The following INPP4B variants were observed in gnomAD, a reference collection of about 807,000 sequenced individuals.
INPP4B encodes the protein inositol polyphosphate 4-phosphatase type II.
Under a neutral mutation model 122.5 loss-of-function variants are expected in INPP4B, and 55 were observed. That is an observed-to-expected ratio of 0.45 (90% CI 0.36 to 0.56). The LOEUF (loss-of-function observed/expected upper bound fraction) is 0.56. Among genes scored for constraint, INPP4B ranks in the 20% least tolerant of loss-of-function variants. INPP4B has a pLI of 0.00. For missense variants in INPP4B, 1,000 were observed against 1,097.7 expected (o/e 0.91, Z 1.26); for synonymous variants, 403 against 388.7 (o/e 1.04, Z -0.43).
intron 22 of INPP4B, among the ~76,000 whole-genome samples, chr4:142,111,901 G>C (rs758600895): frequency 6.6e-6 from 1 of 151,436 alleles, no homozygotes; most frequent in African/African-American, 2.4e-5. Context: ...TCACCACCAC[G>C]CCTGGCTAAT....
At chr4:142,463,933 T>C (rs558662041) in intron 2 of INPP4B, among the ~76,000 whole-genome samples, 14 of 152,258 alleles carry the variant, frequency 9.2e-5, no homozygotes, top group Admixed American at 3.3e-4. Context: ...TTATTAGCAG[T>C]ATGATAACAG....
chr4:142,604,986 A>T (rs1356234927), intron 2 of INPP4B, among the ~76,000 whole-genome samples: 1 of 152,170 alleles, frequency 6.6e-6, no homozygotes, highest in Non-Finnish European at 1.5e-5. Context: ...AGCCTGCAGT[A>T]ACCAAAACAG....
Position 142,637,156 on chromosome 4 carries a change from A to G in INPP4B, c.-191+88683T>C, listed in dbSNP as rs377372996. 5.3e-5 allele frequency among the ~76,000 whole-genome samples: 8 copies of G among 152,284 alleles called. No individual in the cohort carries two copies. In the East Asian group the frequency reaches 7.7e-4, roughly 15 times the overall value. On this transcript the variant is annotated intron_variant, in intron 2 of 25. Transcript: ENST00000262992. ...TCCATTATCAACATCCTGCACCACA[A>G]TGGTACATTTGTTAGAATGGATGAA...
At chr4:142,706,983 T>A (rs1182509425) in intron 2 of INPP4B, among the ~76,000 whole-genome samples, 1 of 152,236 alleles carries the variant, frequency 6.6e-6, no homozygotes, top group Non-Finnish European at 1.5e-5. Flanking sequence ...CTGGCTCCTA[T>A]GAATTATCAA....
At chr4:142,427,506 T>A in intron 5 of INPP4B, 1 of 651,548 alleles carries the variant, frequency 1.5e-6, no homozygotes, top group Non-Finnish European at 2.8e-6. Context: ...ATGGTGTTGT[T>A]ACTGAAATTT....
At chr4:142,654,502 A>G (rs1753758222) in intron 2 of INPP4B, 2 of 152,028 alleles carry the variant, frequency 1.3e-5, no homozygotes, top group Non-Finnish European at 2.9e-5. Flanking sequence ...ATAGTTACAA[A>G]CTCTGTGGAT....
At chr4:142,258,585 C>CA (rs1268727630) in intron 11 of INPP4B, among the ~76,000 whole-genome samples, 2 of 151,970 alleles carry the variant, frequency 1.3e-5, no homozygotes, top group African/African-American at 2.4e-5. Flanking sequence ...TTTATGCAGC[C>CA]AAAAAACACA....
intron 2 of INPP4B, among the ~76,000 whole-genome samples, chr4:142,533,309 A>G (rs1827835676): frequency 6.6e-6 from 1 of 152,158 alleles, no homozygotes; most frequent in African/African-American, 2.4e-5. Flanking sequence ...AGTGTGAGGA[A>G]AAAAGGTACT....
At chr4:142,555,932 G>T (rs1353559064) in intron 2 of INPP4B, among the ~76,000 whole-genome samples, 8 of 151,898 alleles carry the variant, frequency 5.3e-5, no homozygotes, top group Non-Finnish European at 1.2e-4. Flanking sequence ...GAAAGTGCAT[G>T]CTGTGTGTGT....
intron 2 of INPP4B, among the ~76,000 whole-genome samples, chr4:142,579,257 A>G (rs1229054990): frequency 6.6e-6 from 1 of 152,014 alleles, no homozygotes; most frequent in Non-Finnish European, 1.5e-5. Flanking sequence ...GAAGGAGATA[A>G]TGTCAGTGGA....
Position 142,208,376 on chromosome 4 carries a change from T to C in INPP4B, c.1072+49A>G, listed in dbSNP as rs753526885. On this transcript the variant is annotated intron_variant, in intron 14 of 25. Coordinates refer to ENST00000262992, the MANE Select transcript of INPP4B (RefSeq NM_001101669.3). The stretch of plus-strand genomic sequence containing the variant: ...CCAATAGTCAAGCTGTTTACAGAAG[T>C]ACACACTGTAACATAATTTGCTATT... The C allele has an allele frequency of 3.2e-5, 30 of 935,120 alleles. 1 individual carries two copies. In the East Asian group the frequency reaches 7.3e-4, roughly 23 times the overall value. The allele number at this position is 935,120 out of a possible 1,614,324, so 57.9% of individuals were successfully genotyped here. A position where few individuals can be genotyped will look rare whatever the true frequency, so the allele number is the denominator to read the frequency against.
At chr4:142,503,188 A>G (rs1247673064) in intron 2 of INPP4B, among the ~76,000 whole-genome samples, 1 of 152,092 alleles carries the variant, frequency 6.6e-6, no homozygotes, top group African/African-American at 2.4e-5. Context: ...TAACCAAACA[A>G]CCAAATCAGA....
chr4:142,261,445 A>G (rs905322938), intron 10 of INPP4B, among the ~76,000 whole-genome samples: 7 of 152,148 alleles, frequency 4.6e-5, no homozygotes, highest in Admixed American at 2.0e-4. Flanking sequence ...TTTAGAGTAA[A>G]TATACCCAAT....
chr4:142,381,979 A>T (rs1238163143), intron 7 of INPP4B, among the ~76,000 whole-genome samples: 1 of 152,080 alleles, frequency 6.6e-6, no homozygotes, highest in African/African-American at 2.4e-5. Context: ...GGTAAGTCTT[A>T]CTATTATTTT....
intron 2 of INPP4B, among the ~76,000 whole-genome samples, chr4:142,469,291 T>G (rs968611488): frequency 2.6e-5 from 4 of 151,944 alleles, no homozygotes; most frequent in African/African-American, 9.7e-5. Flanking sequence ...ATAATCCAAA[T>G]TACTACAGCA....
At chr4:142,345,895 A>C (rs759340621) in intron 7 of INPP4B, among the ~76,000 whole-genome samples, 16 of 152,050 alleles carry the variant, frequency 1.1e-4, no homozygotes, top group Non-Finnish European at 2.1e-4. Context: ...CAGTAAATGA[A>C]CTTTTGAAAA....
intron 7 of INPP4B, among the ~76,000 whole-genome samples, chr4:142,391,145 T>C (rs1403322996): frequency 1.3e-5 from 2 of 152,244 alleles, no homozygotes; most frequent in Non-Finnish European, 2.9e-5. Context: ...TGTTTTGATA[T>C]ACAATTTGAA....
chr4:142,769,187 G>T (rs1016909414), intron 1 of INPP4B, among the ~76,000 whole-genome samples: 3 of 152,138 alleles, frequency 2.0e-5, no homozygotes, highest in Non-Finnish European at 2.9e-5. Context: ...ATAAATAAGG[G>T]ACATGCGTCT....
At position 142,082,177 on chromosome 4, in the gene INPP4B, G is replaced by A; in HGVS notation, c.2496C>T (p.Arg832=). 1 of 1,511,408 alleles carries A rather than the reference G, an allele frequency of 6.6e-7. No homozygotes were observed. 93.6% of individuals were successfully genotyped at this position (1,511,408 alleles called of 1,614,324 possible). The change falls in exon 25 of 26, where the codon CGC becomes CGT. Residue 832 remains arginine, a synonymous_variant. Coordinates refer to ENST00000262992, the MANE Select transcript of INPP4B (RefSeq NM_001101669.3). ...AGGTGAAACGAATACCATTCAGTTT[G>A]CGGCAAATCTGTAACATATGTAAGA... ...EIMWLAATIC[R]KLNGIRFTCC...
Sources: gnomAD v4.1 joint callset for allele counts (sites outside exome capture counted in the v4.1 genomes callset) on GRCh38, gnomAD v4.1.1 for gene constraint, MANE v1.5 for transcripts, NCBI Gene and HGNC (gene_info 2026-07-23, HGNC 2026-07-21) for gene names.